Variants in SLIT3 observed in about 807,000 individuals in gnomAD.
The protein encoded by SLIT3 is slit homolog 3 protein.
Under a neutral mutation model 184.0 loss-of-function variants are expected in SLIT3, and 68 were observed. The ratio of observed to expected loss-of-function variants is 0.37; its 90% CI spans 0.30 to 0.45. The LOEUF is 0.45. Ranked by LOEUF, SLIT3 falls within the 20% of genes least tolerant of loss-of-function variation. The pLI is 1.00. For synonymous variants in SLIT3, 831 were observed against 828.6 expected, an observed-to-expected ratio of 1.00 and a Z score of -0.05; for missense variants, 1,707 against 2,026.0, an observed-to-expected ratio of 0.84 and a Z score of 3.02.
chr5:169,205,253 T>G (rs1764031153), intron 3 of SLIT3, among the ~76,000 whole-genome samples: 1 of 152,196 alleles, frequency 6.6e-6, no homozygotes, highest in Non-Finnish European at 1.5e-5. Context: ...AGCTCTGCCC[T>G]AGAGCTATGC....
At chr5:168,722,456 C>T in intron 22 of SLIT3, 129 bp from the exon 23 acceptor site, 1 of 775,888 alleles carries the variant, frequency 1.3e-6, no homozygotes, top group South Asian at 1.6e-5. Flanking sequence ...AGAACATCCC[C>T]TAAAGGGACA....
At chr5:169,192,848 C>T (rs1763600370) in intron 4 of SLIT3, among the ~76,000 whole-genome samples, 2 of 152,210 alleles carry the variant, frequency 1.3e-5, no homozygotes, top group African/African-American at 4.8e-5. Flanking sequence ...TCTCCACCCT[C>T]ACCTGCAACT....
At chr5:168,973,224 C>G (rs1413629709) in intron 4 of SLIT3, among the ~76,000 whole-genome samples, 1 of 151,810 alleles carries the variant, frequency 6.6e-6, no homozygotes, top group Non-Finnish European at 1.5e-5. Context: ...TTTTTTCCCT[C>G]TTTTTCATTG....
At chr5:169,238,542 G>GATT (rs1765279565) in intron 3 of SLIT3, among the ~76,000 whole-genome samples, 1 of 60,432 alleles carries the variant, frequency 1.7e-5, no homozygotes, top group African/African-American at 6.9e-5. Context: ...CAGTGAAATA[G>GATT]CTTTTTTTTT....
intron 4 of SLIT3, among the ~76,000 whole-genome samples, chr5:169,032,601 T>G (rs771086662): frequency 0.1 from 11,242 of 108,648 alleles, 584 homozygotes; most frequent in African/African-American, 0.22. Context: ...TTAGTTTCGT[T>G]TTTTTTTTTT....
intron 4 of SLIT3, among the ~76,000 whole-genome samples, chr5:169,176,813 C>T (rs570553230): frequency 1.3e-5 from 2 of 152,272 alleles, no homozygotes; most frequent in African/African-American, 4.8e-5. Context: ...CTGTAGTCTG[C>T]CCAGGCTTGG....
intron 11 of SLIT3, among the ~76,000 whole-genome samples, chr5:168,787,355 C>T (rs563227569): frequency 5.9e-5 from 9 of 152,176 alleles, no homozygotes; most frequent in Non-Finnish European, 1.0e-4. Context: ...GAGCCCAGTG[C>T]GTCAAAACCA....
At chr5:168,724,365 G>A in intron 21 of SLIT3, 51 bp downstream of exon 21, 3 of 1,497,422 alleles carry the variant, frequency 2.0e-6, no homozygotes, top group Non-Finnish European at 2.8e-6. Context: ...AGTTTCCTGA[G>A]CGACCCCAGC....
intron 4 of SLIT3, among the ~76,000 whole-genome samples, chr5:168,894,498 G>A (rs1056059334): frequency 1.3e-5 from 2 of 152,164 alleles, no homozygotes; most frequent in East Asian, 1.9e-4. Flanking sequence ...AGCTCTGGCT[G>A]TCCTCCTCCA....
chr5:169,032,615 G>A (rs552726562), intron 4 of SLIT3, among the ~76,000 whole-genome samples: 2 of 137,558 alleles, frequency 1.5e-5, no homozygotes, highest in East Asian at 4.9e-4. Context: ...TTTTTTTTCA[G>A]TGTAAAGAAT....
intron 4 of SLIT3, among the ~76,000 whole-genome samples, chr5:169,121,846 C>T (rs986824414): frequency 5.3e-5 from 8 of 152,284 alleles, no homozygotes; most frequent in East Asian, 3.9e-4. Flanking sequence ...AGGATAATGA[C>T]GCACATGTGG....
intron 4 of SLIT3, among the ~76,000 whole-genome samples, chr5:169,084,233 T>C (rs1463237476): frequency 6.6e-6 from 1 of 152,092 alleles, no homozygotes; most frequent in Admixed American, 6.6e-5. Flanking sequence ...AAAAAAAAGA[T>C]TGAAGCCATG....
intron 4 of SLIT3, among the ~76,000 whole-genome samples, chr5:169,088,978 C>A (rs547317038): frequency 1.4e-4 from 17 of 125,170 alleles, no homozygotes; most frequent in African/African-American, 5.2e-4. Flanking sequence ...CAAGATCATG[C>A]CACTGAACTC....
chr5:168,697,180 C>T (rs908840563), intron 27 of SLIT3, among the ~76,000 whole-genome samples: 1 of 152,206 alleles, frequency 6.6e-6, no homozygotes, highest in African/African-American at 2.4e-5. Context: ...CTTCTGAGCC[C>T]CTCCAGCTTC....
chr5:168,752,073 A>T (rs116815828), intron 18 of SLIT3, among the ~76,000 whole-genome samples: 1 of 152,018 alleles, frequency 6.6e-6, no homozygotes, highest in African/African-American at 2.4e-5. Context: ...CTGTCTGGTG[A>T]TGTCTTACTT....
At chr5:168,866,580 GTTC>G (rs1197665590) in intron 5 of SLIT3, among the ~76,000 whole-genome samples, 1 of 152,212 alleles carries the variant, frequency 6.6e-6, no homozygotes, top group Non-Finnish European at 1.5e-5. Context: ...ATGTGTGGAA[GTTC>G]CCCCACTTTT....
chr5:168,741,470 C>T (rs1165246283), intron 20 of SLIT3, among the ~76,000 whole-genome samples: 35 of 57,164 alleles, frequency 6.1e-4, no homozygotes, highest in African/African-American at 3.0e-3. Flanking sequence ...CAGAGCAAGA[C>T]TCGGTCTCAA....
chr5:168,921,263 G>A (rs1761626672), intron 4 of SLIT3, among the ~76,000 whole-genome samples: 1 of 152,136 alleles, frequency 6.6e-6, no homozygotes, highest in Non-Finnish European at 1.5e-5. Context: ...CACACTCTAT[G>A]TTCCTGAATA....
chr5:169,203,290 G>C (rs1230386081), intron 3 of SLIT3, among the ~76,000 whole-genome samples: 2 of 151,534 alleles, frequency 1.3e-5, no homozygotes, highest in African/African-American at 4.9e-5. Flanking sequence ...CTAGGGCTCA[G>C]ACTCCAAGAA....
Sources: allele counts gnomAD v4.1 joint callset (sites outside exome capture counted in the v4.1 genomes callset), GRCh38; gene constraint gnomAD v4.1.1; transcripts MANE v1.5; gene names NCBI Gene and HGNC (gene_info 2026-07-23, HGNC 2026-07-21).